The following MFHAS1 variants were observed in gnomAD, a reference collection of about 807,000 sequenced individuals.
The protein encoded by MFHAS1 is multifunctional ROCO family signaling regulator 1, also known as malignant fibrous histiocytoma-amplified sequence 1.
A neutral mutation model predicts 70.4 loss-of-function variants in MFHAS1; 50 were observed. That is an observed-to-expected ratio of 0.71 (90% confidence interval 0.57 to 0.90). The LOEUF (loss-of-function observed/expected upper bound fraction) is 0.90. Among genes scored for constraint, MFHAS1 ranks in the 40% least tolerant of loss-of-function variants. The pLI is 0.00. For synonymous variants in MFHAS1, 952 were observed against 620.0 expected, an observed-to-expected ratio of 1.54 and a Z score of -7.96; for missense variants, 1,795 against 1,347.6, an observed-to-expected ratio of 1.33 and a Z score of -5.20.
At chr8:8,866,030 C>T (rs1478570676) in intron 1 of MFHAS1, among the ~76,000 whole-genome samples, 2 of 152,206 alleles carry the variant, frequency 1.3e-5, no homozygotes, top group East Asian at 3.8e-4. Flanking sequence ...GACAGAGAAG[C>T]TGAAATCCTG....
intron 1 of MFHAS1, among the ~76,000 whole-genome samples, chr8:8,879,959 C>A (rs1563217880): frequency 6.6e-6 from 1 of 152,200 alleles, no homozygotes. Flanking sequence ...TAAAATTTAT[C>A]TTTAAAAAAA....
At chr8:8,864,896 G>T (rs1245098352) in intron 1 of MFHAS1, among the ~76,000 whole-genome samples, 1 of 152,142 alleles carries the variant, frequency 6.6e-6, no homozygotes, top group Non-Finnish European at 1.5e-5. Flanking sequence ...AAAATTACTT[G>T]AGATTTCTTT....
At chr8:8,878,816 G>T (rs569010383) in intron 1 of MFHAS1, among the ~76,000 whole-genome samples, 70 of 152,276 alleles carry the variant, frequency 4.6e-4, no homozygotes, top group African/African-American at 1.7e-3. Context: ...TAGGAATAAG[G>T]AGGATCTAAG....
intron 1 of MFHAS1, among the ~76,000 whole-genome samples, chr8:8,798,770 T>G (rs1805988396): frequency 1.3e-5 from 2 of 152,150 alleles, no homozygotes; most frequent in Admixed American, 1.3e-4. Flanking sequence ...GACTCCGGGC[T>G]GGGCGCGGTG....
chr8:8,876,630 G>C (rs550007467), intron 1 of MFHAS1, among the ~76,000 whole-genome samples: 3 of 151,950 alleles, frequency 2.0e-5, no homozygotes, highest in African/African-American at 7.2e-5. Flanking sequence ...TCCCGCCTCG[G>C]CCTCCCAAAG....
intron 1 of MFHAS1, among the ~76,000 whole-genome samples, chr8:8,829,170 T>A (rs2409095): frequency 0.77 from 116,462 of 152,052 alleles, 44,832 homozygotes; most frequent in East Asian, 0.9. Context: ...ATGCCTCTGC[T>A]AAGCTCTTCT....
At position 8,890,439 on chromosome 8, in the gene MFHAS1, A is replaced by G. The variant is rs1809948257; in HGVS notation, c.2620T>C (p.Ser874Pro). Residue 874 changes from serine (S) to proline (P), a missense_variant, in exon 1 of 3, where the codon TCT (serine) becomes CCT (proline). Physicochemically the swap from Ser to Pro is moderately conservative, Grantham distance 74. Coordinates refer to ENST00000276282, the MANE Select transcript of MFHAS1 (RefSeq NM_004225.3). Reference sequence around the variant, plus strand: ...ATCTGCAACTGCTCAGCCACAAAAGACTGCCCAGCTAGGTTGGTCCCATTA... The same window carrying G: ...ATCTGCAACTGCTCAGCCACAAAAGGCTGCCCAGCTAGGTTGGTCCCATTA... ...WINGTNLAGQ[S>P]FVAEQLQIEY... The G allele has an allele frequency of 6.2e-7, 1 of 1,613,908 alleles. No homozygotes were observed. Among genetic ancestry groups the G allele is most frequent in the East Asian group, 2.2e-5 (1 of 44,880 alleles).
chr8:8,811,958 T>C (rs1220191947), intron 1 of MFHAS1, among the ~76,000 whole-genome samples: 1 of 152,130 alleles, frequency 6.6e-6, no homozygotes. Flanking sequence ...CAGTACTACC[T>C]TCTCCGCATG....
intron 1 of MFHAS1, among the ~76,000 whole-genome samples, chr8:8,852,518 A>G (rs553906065): frequency 6.6e-6 from 1 of 152,120 alleles, no homozygotes; most frequent in South Asian, 2.1e-4. Context: ...CACACCCACA[A>G]GAGGGTTTAG....
chr8:8,818,641 C>T (rs932279038), intron 1 of MFHAS1, among the ~76,000 whole-genome samples: 9 of 152,210 alleles, frequency 5.9e-5, no homozygotes, highest in African/African-American at 2.2e-4. Flanking sequence ...ACTGACTTAA[C>T]CCTAGGCTTG....
At position 8,807,480 on chromosome 8, in the gene MFHAS1, C is replaced by T. The variant is rs1243133351; in HGVS notation, c.2999-9989G>A. Among the ~76,000 whole-genome samples, 5 of 152,192 alleles carry T rather than the reference C, an allele frequency of 3.3e-5. 1 individual carries two copies. Among genetic ancestry groups the T allele is most frequent in the Admixed American group, 2.0e-4 (3 of 15,278 alleles). On this transcript the variant is annotated intron_variant, in intron 1 of 2. Transcript: ENST00000276282. ...TCCCCTATGAAAAAGCGTATAGCTT[C>T]TGTATCCCACTGTGATTCCCTTTGA...
At chr8:8,787,070 C>G (rs1805569005) in intron 2 of MFHAS1, among the ~76,000 whole-genome samples, 1 of 142,712 alleles carries the variant, frequency 7.0e-6, no homozygotes, top group Non-Finnish European at 1.5e-5. Context: ...CTCCATCTTA[C>G]TCAGTATTAT....
intron 1 of MFHAS1, among the ~76,000 whole-genome samples, chr8:8,848,921 G>A (rs1331888016): frequency 6.6e-6 from 1 of 152,098 alleles, no homozygotes; most frequent in Non-Finnish European, 1.5e-5. Context: ...GGTAGGAAGA[G>A]GGATTTACTT....
rs1322599498 is a variant in MFHAS1 at position 8,891,919 on chromosome 8, G to T, written c.1140C>A (p.Pro380=). The T allele has an allele frequency of 6.2e-7, 1 of 1,610,874 alleles. No individual in the cohort carries two copies. The highest frequency in any genetic ancestry group is 8.5e-7 in the Non-Finnish European group (1 of 1,178,276). Residue 380 remains proline, a synonymous_variant, in exon 1 of 3, where the codon CCC becomes CCA. Coordinates refer to ENST00000276282, the MANE Select transcript of MFHAS1 (RefSeq NM_004225.3). This position sits in a 1 kb window ranked among gnomAD's most constrained non-coding sequence, Gnocchi z 5.4. The part of the protein sequence containing the change: ...WKIKDNPLIQ[P]PYEVCMKGIP... ...TCCCCTTCATGCAGACCTCGTAGGG[G>T]GGCTGGATCAGTGGGTTGTCTTTGA...
At chr8:8,857,133 G>C (rs958164480) in intron 1 of MFHAS1, among the ~76,000 whole-genome samples, 3 of 152,080 alleles carry the variant, frequency 2.0e-5, no homozygotes, top group African/African-American at 7.2e-5. Flanking sequence ...AACAGATTCA[G>C]TCCCTTAAGC....
chr8:8,811,919 C>A (rs1806563376), intron 1 of MFHAS1, among the ~76,000 whole-genome samples: 1 of 152,180 alleles, frequency 6.6e-6, no homozygotes, highest in Non-Finnish European at 1.5e-5. Context: ...CACAAGTCAC[C>A]ACCTAGGAAG....
intron 1 of MFHAS1, among the ~76,000 whole-genome samples, chr8:8,818,223 C>T (rs1042513504): frequency 2.2e-5 from 3 of 139,250 alleles, no homozygotes; most frequent in Admixed American, 7.0e-5. Context: ...TGGAACACAG[C>T]CCTTTGTGGT....
intron 1 of MFHAS1, among the ~76,000 whole-genome samples, chr8:8,798,789 C>A (rs1805989407): frequency 6.6e-6 from 1 of 152,190 alleles, no homozygotes. Context: ...TGGCTCACAC[C>A]TGCAATCCTA....
At chr8:8,814,937 G>C (rs1368216501) in intron 1 of MFHAS1, among the ~76,000 whole-genome samples, 1 of 151,594 alleles carries the variant, frequency 6.6e-6, no homozygotes, top group African/African-American at 2.4e-5. Flanking sequence ...TGTGCCATGG[G>C]AGTTTGCTGC....
Sources: allele counts gnomAD v4.1 joint callset (sites outside exome capture counted in the v4.1 genomes callset), GRCh38; gene constraint gnomAD v4.1.1; non-coding constraint Gnocchi (gnomAD v3.1); transcripts MANE v1.5; gene names NCBI Gene and HGNC (gene_info 2026-07-23, HGNC 2026-07-21).